MTR: variants seen among roughly 807,000 people sequenced by gnomAD.
The protein encoded by MTR is methionine synthase.
In MTR, 84 loss-of-function variants were observed where a neutral mutation model predicts 154.8. The observed-to-expected ratio is 0.54, with a 90% CI of 0.45 to 0.65. The LOEUF (loss-of-function observed/expected upper bound fraction) is 0.65. Among genes scored for constraint, MTR ranks in the 30% least tolerant of loss-of-function variants. MTR has a pLI of 0.00. For missense variants in MTR, 1,275 were observed against 1,570.2 expected (o/e 0.81, Z 3.18); for synonymous variants, 554 against 553.9 (o/e 1.00, Z 0.00).
At chr1:236,832,221 A>G (rs1189200480) in intron 13 of MTR, 143 bp downstream of exon 13, 1 of 763,308 alleles carries the variant, frequency 1.3e-6, no homozygotes, top group South Asian at 1.5e-5. Context: ...TGTTTGCAGC[A>G]GACTGGGCTG....
chr1:236,857,607 T>A (rs1558314910), intron 18 of MTR, among the ~76,000 whole-genome samples: 1 of 152,234 alleles, frequency 6.6e-6, no homozygotes, highest in Non-Finnish European at 1.5e-5. Flanking sequence ...TAATATTTAC[T>A]AAAATGTCGC....
chr1:236,894,676 T>G (rs997202224), intron 30 of MTR, 119 bp downstream of exon 30: 12 of 892,610 alleles, frequency 1.3e-5, no homozygotes, highest in Non-Finnish European at 1.7e-5. Flanking sequence ...TTTTTTTTCT[T>G]GAGATGGATG....
At chr1:236,863,375 G>T in intron 21 of MTR, 79 bp from the exon 22 acceptor site, 3 of 1,086,868 alleles carry the variant, frequency 2.8e-6, no homozygotes, top group Non-Finnish European at 4.2e-6. Flanking sequence ...TTCTGTGCTG[G>T]CCCCTGCCTG....
chr1:236,815,954 C>T (rs546750282), intron 7 of MTR, among the ~76,000 whole-genome samples: 1 of 152,076 alleles, frequency 6.6e-6, no homozygotes, highest in Non-Finnish European at 1.5e-5. Context: ...TCATTAGGGC[C>T]CAAGGAGGGG....
rs1359040450 is a variant in MTR, at chr1:236,835,635, G to T, written c.1277G>T (p.Ser426Ile). 6 of 1,610,952 alleles carry T rather than the reference G, an allele frequency of 3.7e-6. No homozygotes were observed. Among genetic ancestry groups the T allele is most frequent in the Non-Finnish European group, 5.1e-6 (6 of 1,179,550 alleles). Residue 426 changes from serine (S) to isoleucine (I), a missense_variant, in exon 14 of 33, where the codon AGT (serine) becomes ATT (isoleucine). Coordinates refer to ENST00000366577, the MANE Select transcript of MTR (RefSeq NM_000254.3). ...GATGATGGCATGCTAGATGGTCCAA[G>T]TGCAATGACCAGATTTTGCAACTTA... Reference protein sequence around the residue: ...NMDDGMLDGPSAMTRFCNLIA... With the variant: ...NMDDGMLDGPIAMTRFCNLIA...
chr1:236,843,195 GTTATT>G (rs1311063185), intron 15 of MTR, among the ~76,000 whole-genome samples: 2 of 152,072 alleles, frequency 1.3e-5, no homozygotes, highest in Non-Finnish European at 2.9e-5. Flanking sequence ...GTGGGGGAAT[GTTATT>G]TTATGTAGGA....
At chr1:236,831,549 C>G (rs1235588266) in intron 12 of MTR, among the ~76,000 whole-genome samples, 1 of 152,200 alleles carries the variant, frequency 6.6e-6, no homozygotes, top group Non-Finnish European at 1.5e-5. Context: ...AAAAAGCTTA[C>G]TCCATATAGC....
intron 28 of MTR, among the ~76,000 whole-genome samples, chr1:236,890,162 G>C (rs1432061193): frequency 6.6e-6 from 1 of 152,218 alleles, no homozygotes; most frequent in Non-Finnish European, 1.5e-5. Context: ...GGGCGTGCCT[G>C]GGTGTGCGTG....
chr1:236,825,511 C>T (rs1662239851), intron 10 of MTR, 112 bp downstream of exon 10: 2 of 1,108,642 alleles, frequency 1.8e-6, no homozygotes, highest in Non-Finnish European at 2.8e-6. Flanking sequence ...GTACATATAA[C>T]AAAGAAAAGT....
At chr1:236,836,995 C>CAATA (rs1283227888) in intron 14 of MTR, among the ~76,000 whole-genome samples, 1 of 152,172 alleles carries the variant, frequency 6.6e-6, no homozygotes, top group Admixed American at 6.5e-5. Flanking sequence ...CCATGTAACT[C>CAATA]AATACATTAT....
At chr1:236,796,132 T>A (rs1273970444) in intron 1 of MTR, among the ~76,000 whole-genome samples, 2 of 152,068 alleles carry the variant, frequency 1.3e-5, no homozygotes, top group African/African-American at 4.8e-5. Context: ...CGAAAGAAAG[T>A]TCAGGCGCGG....
intron 18 of MTR, among the ~76,000 whole-genome samples, chr1:236,855,225 C>T (rs1030297766): frequency 4.6e-5 from 7 of 152,188 alleles, no homozygotes. Context: ...AAGAAGTCTG[C>T]ACCCAGATTC....
chr1:236,896,142 G>A (rs760664996), intron 31 of MTR, among the ~76,000 whole-genome samples: 10 of 152,148 alleles, frequency 6.6e-5, no homozygotes, highest in East Asian at 3.8e-4. Flanking sequence ...CCAGACACCC[G>A]GCCTCAGCGT....
chr1:236,799,099 A>C (rs1660561712), intron 1 of MTR, among the ~76,000 whole-genome samples: 1 of 152,064 alleles, frequency 6.6e-6, no homozygotes, highest in Non-Finnish European at 1.5e-5. Context: ...AAAAATAAGC[A>C]AGTAGTTGAG....
chr1:236,889,860 G>A (rs998869184), intron 28 of MTR, among the ~76,000 whole-genome samples: 3 of 152,198 alleles, frequency 2.0e-5, no homozygotes, highest in African/African-American at 7.2e-5. Flanking sequence ...AGGCACATGT[G>A]CCTATTTGGG....
At chr1:236,861,557 C>G (rs1664546075) in intron 20 of MTR, among the ~76,000 whole-genome samples, 2 of 152,126 alleles carry the variant, frequency 1.3e-5, no homozygotes, top group Admixed American at 1.3e-4. Context: ...CCTATCTCTC[C>G]CCTCCAAAAG....
At chr1:236,804,585 A>G (rs1044189900) in intron 2 of MTR, among the ~76,000 whole-genome samples, 2 of 152,196 alleles carry the variant, frequency 1.3e-5, no homozygotes, top group East Asian at 1.9e-4. Flanking sequence ...CCATGTATAT[A>G]TCATCATTTA....
At chr1:236,829,769 A>G (rs373760418) in intron 12 of MTR, among the ~76,000 whole-genome samples, 2 of 152,216 alleles carry the variant, frequency 1.3e-5, no homozygotes, top group African/African-American at 2.4e-5. Flanking sequence ...GTTCTCAACA[A>G]TCCTTTGAGG....
chr1:236,873,513 G>C (rs1052200067), intron 22 of MTR, among the ~76,000 whole-genome samples: 3 of 152,172 alleles, frequency 2.0e-5, no homozygotes, highest in Non-Finnish European at 2.9e-5. Flanking sequence ...TTGCACACTT[G>C]AAATGGGTGA....
Sources: allele counts gnomAD v4.1 joint callset (sites outside exome capture counted in the v4.1 genomes callset), GRCh38; gene constraint gnomAD v4.1.1; transcripts MANE v1.5; gene names NCBI Gene and HGNC (gene_info 2026-07-23, HGNC 2026-07-21).